The following BLNK variants were observed in gnomAD, a reference collection of about 807,000 sequenced individuals.
BLNK encodes the protein B-cell linker protein.
A neutral mutation model predicts 73.5 loss-of-function variants in BLNK; 29 were observed. The ratio of observed to expected loss-of-function variants is 0.39; its 90% CI spans 0.29 to 0.54. The LOEUF is 0.54. Among genes scored for constraint, BLNK ranks in the 20% least tolerant of loss-of-function variants. The pLI is 0.61. For synonymous variants in BLNK, 176 were observed against 200.8 expected, an observed-to-expected ratio of 0.88 and a Z score of 1.04; for missense variants, 460 against 562.8, an observed-to-expected ratio of 0.82 and a Z score of 1.85.
intron 5 of BLNK, 29 bp downstream of exon 5, chr10:96,227,381 C>A (rs373568868): frequency 1.2e-6 from 2 of 1,609,276 alleles, no homozygotes; most frequent in African/African-American, 1.3e-5. Context: ...CCTGGAAGGC[C>A]GAGTGCCCAG....
chr10:96,253,905 C>T (rs1397344303), intron 1 of BLNK, among the ~76,000 whole-genome samples: 2 of 151,922 alleles, frequency 1.3e-5, no homozygotes, highest in Non-Finnish European at 2.9e-5. Context: ...CCTGTAGTCC[C>T]AGCTACTCGG....
intron 1 of BLNK, among the ~76,000 whole-genome samples, chr10:96,254,127 G>A (rs1328567913): frequency 3.3e-5 from 5 of 151,908 alleles, no homozygotes; most frequent in Non-Finnish European, 5.9e-5. Flanking sequence ...CAAAAGAGAC[G>A]ACTTCCCAAC....
Position 96,200,243 on chromosome 10 carries a change from A to G in BLNK, c.1012-85T>C, listed in dbSNP as rs1273289727. 5 of 1,091,842 alleles carry G rather than the reference A, an allele frequency of 4.6e-6. No individual in the cohort carries two copies. Among genetic ancestry groups the G allele is most frequent in the Admixed American group, 1.8e-5 (1 of 54,332 alleles). 67.6% of individuals were successfully genotyped at this position (1,091,842 alleles called of 1,614,324 possible). On this transcript the variant is annotated intron_variant, in intron 14 of 16. Transcript: ENST00000224337. The surrounding 1 kb of genome is among the most constrained non-coding windows in gnomAD (Gnocchi z 4.3). ...GTACTAGAAACAAAGACCCATTTGCATTATCAAGACAGGCCTCTACATTTA... is the reference window on the plus strand; with the variant it reads ...GTACTAGAAACAAAGACCCATTTGCGTTATCAAGACAGGCCTCTACATTTA...
intron 5 of BLNK, among the ~76,000 whole-genome samples, chr10:96,226,734 G>A (rs1311156124): frequency 1.3e-5 from 2 of 152,070 alleles, no homozygotes; most frequent in Non-Finnish European, 2.9e-5. Context: ...CCAGCTACTC[G>A]GGAGGCTGAG....
Position 96,230,706 on chromosome 10 carries a change from A to G in BLNK, c.204+88T>C, listed in dbSNP as rs146568703. ...TCTTCCCTCTTGGGACGTGCGGCTG[A>G]CCACCAGCATGTAATTCAGAAATAA... On this transcript the variant is annotated intron_variant, in intron 4 of 16. Transcript: ENST00000224337. 19 of 1,456,148 alleles carry G rather than the reference A, an allele frequency of 1.3e-5. No individual in the cohort carries two copies. In the Middle Eastern group the frequency reaches 8.5e-4, roughly 65 times the overall value. 90.2% of individuals were successfully genotyped at this position (1,456,148 alleles called of 1,614,324 possible). A position where few individuals can be genotyped will look rare whatever the true frequency, so the allele number is the denominator to read the frequency against.
intron 13 of BLNK, among the ~76,000 whole-genome samples, chr10:96,201,384 A>C (rs371071341): frequency 1.3e-5 from 2 of 152,270 alleles, no homozygotes; most frequent in Non-Finnish European, 2.9e-5. Flanking sequence ...GCAGTAACAT[A>C]CATTAAAGAG....
chr10:96,250,430 G>GAGAGAGGA (rs1554908841), intron 1 of BLNK, among the ~76,000 whole-genome samples: 1 of 130,332 alleles, frequency 7.7e-6, no homozygotes, highest in African/African-American at 2.6e-5. Flanking sequence ...GAGAGAGAGA[G>GAGAGAGGA]AGAGAGGAAG....
intron 3 of BLNK, among the ~76,000 whole-genome samples, chr10:96,232,215 C>T (rs1032963873): frequency 6.6e-6 from 1 of 152,198 alleles, no homozygotes; most frequent in Middle Eastern, 3.4e-3. Flanking sequence ...CCTCCTGCCC[C>T]GCTGAGCAGC....
chr10:96,238,092 G>A (rs1383240119), intron 3 of BLNK, among the ~76,000 whole-genome samples: 1 of 152,240 alleles, frequency 6.6e-6, no homozygotes, highest in Admixed American at 6.5e-5. Flanking sequence ...TTCCTCCTCA[G>A]GGAAAGACTG....
In BLNK at chr10:96,250,039, A is replaced by G. The variant is rs571938576; in HGVS notation, c.48-2990T>C. Among the ~76,000 whole-genome samples, 4 of 152,346 alleles carry G rather than the reference A, an allele frequency of 2.6e-5. No homozygotes were observed. The South Asian group carries it at 8.3e-4, about 32-fold the overall frequency. ...GGACCCACGTTCAAATGTATGTGTCAGGGGTCTGGTGCCAAGTCATTGTAA... is the reference window on the plus strand; with the variant it reads ...GGACCCACGTTCAAATGTATGTGTCGGGGGTCTGGTGCCAAGTCATTGTAA... On this transcript the variant is annotated intron_variant, in intron 1 of 16. Transcript: ENST00000224337.
intron 2 of BLNK, among the ~76,000 whole-genome samples, chr10:96,245,471 A>G (rs1843009365): frequency 1.3e-5 from 2 of 152,352 alleles, no homozygotes; most frequent in South Asian, 4.1e-4. Context: ...TTAAATTGGA[A>G]GAAACAACCA....
In BLNK at chr10:96,200,088, T is replaced by C; in HGVS notation, c.1082A>G (p.His361Arg). The change falls in exon 15 of 17, where the codon CAC (histidine) becomes CGC (arginine). Residue 361 changes from histidine to arginine, a missense_variant. Physicochemically the swap from His to Arg is conservative, Grantham distance 29. Transcript: ENST00000224337. The surrounding 1 kb of genome is among the most constrained non-coding windows in gnomAD (Gnocchi z 4.3). ...AAATGATCAGACCTTGTTTGATCTG[T>C]GCAATGCCTCTTCAGCAGACTTTCG... ...CDRKSAEEALHRSNKDGSFLI... is the reference protein window; with the variant it reads ...CDRKSAEEALRRSNKDGSFLI... 6.2e-7 allele frequency: 1 copy of C among 1,613,638 alleles called. No homozygotes were observed. Among genetic ancestry groups the C allele is most frequent in the South Asian group, 1.1e-5 (1 of 91,056 alleles).
intron 8 of BLNK, among the ~76,000 whole-genome samples, chr10:96,211,720 G>A (rs1240122503): frequency 1.3e-5 from 2 of 152,214 alleles, no homozygotes; most frequent in African/African-American, 2.4e-5. Flanking sequence ...TTGGAAAAGA[G>A]ATTGCGTTTG....
At chr10:96,224,930 C>T (rs11188668) in intron 5 of BLNK, among the ~76,000 whole-genome samples, 18,961 of 151,908 alleles carry the variant, frequency 0.12, 1,677 homozygotes, top group East Asian at 0.44. Flanking sequence ...ACTCCTGACC[C>T]CAAGTGATTC....
chr10:96,269,939 C>A (rs1428174151), intron 1 of BLNK, among the ~76,000 whole-genome samples: 1 of 152,156 alleles, frequency 6.6e-6, no homozygotes, highest in African/African-American at 2.4e-5. Flanking sequence ...TATAATTTTA[C>A]CCACCTCTCA....
At chr10:96,231,598 A>G (rs143392254) in intron 3 of BLNK, among the ~76,000 whole-genome samples, 120 of 152,226 alleles carry the variant, frequency 7.9e-4, no homozygotes, top group East Asian at 1.9e-4. Context: ...GTGGTGGTCC[A>G]TATCTGTAGT....
chr10:96,241,755 G>A (rs1232018192), intron 3 of BLNK, among the ~76,000 whole-genome samples: 12 of 149,618 alleles, frequency 8.0e-5, no homozygotes, highest in East Asian at 7.8e-4. Context: ...TTTTGAGACA[G>A]GGTCTCACTC....
intron 1 of BLNK, among the ~76,000 whole-genome samples, chr10:96,247,982 G>T (rs2134095934): frequency 6.6e-6 from 1 of 152,234 alleles, no homozygotes; most frequent in Non-Finnish European, 1.5e-5. Flanking sequence ...TGCTTTCATT[G>T]TTTCATTCTT....
chr10:96,267,125 G>A (rs1844038751), intron 1 of BLNK, among the ~76,000 whole-genome samples: 1 of 152,208 alleles, frequency 6.6e-6, no homozygotes, highest in African/African-American at 2.4e-5. Flanking sequence ...TAAAATGGTA[G>A]CCTTTGAGAA....
Sources: gnomAD v4.1 joint callset for allele counts (sites outside exome capture counted in the v4.1 genomes callset) on GRCh38, gnomAD v4.1.1 for gene constraint, Gnocchi (gnomAD v3.1) non-coding constraint, MANE v1.5 for transcripts, NCBI Gene and HGNC (gene_info 2026-07-23, HGNC 2026-07-21) for gene names.